SLC24A3: variants seen among roughly 807,000 people sequenced by gnomAD.
SLC24A3 encodes the protein solute carrier family 24 member 3.
Under a neutral mutation model 75.8 loss-of-function variants are expected in SLC24A3, and 28 were observed. The observed-to-expected ratio is 0.37, with a 90% CI of 0.27 to 0.51. The LOEUF is 0.51. SLC24A3 is among the 20% of genes least tolerant of loss of function. The probability of loss-of-function intolerance (pLI) is 0.94; values close to 1 mark genes in which losing one functional copy is unlikely to be tolerated. For synonymous variants in SLC24A3, 372 were observed against 334.1 expected (o/e 1.11, Z -1.24); for missense variants, 663 against 847.8 (o/e 0.78, Z 2.71).
rs1161336797 is a variant in SLC24A3 at position 19,346,132 on chromosome 20, ATATATGGTGTGTG to A, written c.271+65051_271+65063del. Among the ~76,000 whole-genome samples, 391 of 96,930 alleles carry A rather than the reference ATATATGGTGTGTG, an allele frequency of 4.0e-3. 56 individuals carry two copies. The highest frequency in any genetic ancestry group is 8.4e-3 in the South Asian group (25 of 2,972). 63.6% of individuals were successfully genotyped at this position (96,930 alleles called of 152,430 possible). On this transcript the variant is annotated intron_variant, in intron 2 of 16. Transcript: ENST00000328041. The stretch of plus-strand genomic sequence containing the variant: ...ATGGTGTGTGTGTGTGTGTATATAT[ATATATGGTGTGTG>A]TATATATATATGGTGTATATATATG...
intron 1 of SLC24A3, among the ~76,000 whole-genome samples, chr20:19,227,826 T>G (rs1981911224): frequency 6.6e-6 from 1 of 152,196 alleles, no homozygotes; most frequent in Non-Finnish European, 1.5e-5. Context: ...AAAAAACTAT[T>G]TATTTATTGT....
intron 15 of SLC24A3, among the ~76,000 whole-genome samples, chr20:19,704,711 G>A (rs1042266776): frequency 3.9e-5 from 6 of 152,100 alleles, no homozygotes; most frequent in African/African-American, 1.2e-4. Flanking sequence ...GGGAAGAGAG[G>A]GGTGTGTGGC....
At chr20:19,591,577 G>A (rs1399783078) in intron 6 of SLC24A3, among the ~76,000 whole-genome samples, 2 of 151,948 alleles carry the variant, frequency 1.3e-5, no homozygotes, top group Non-Finnish European at 2.9e-5. Context: ...AAGAGAAAGA[G>A]GATGTCTCCT....
At chr20:19,309,851 G>A (rs57051773) in intron 2 of SLC24A3, among the ~76,000 whole-genome samples, 23,422 of 152,068 alleles carry the variant, frequency 0.15, 4,415 homozygotes, top group African/African-American at 0.43. Flanking sequence ...ACTCCTCCTT[G>A]CACCCTGGGA....
At chr20:19,441,600 C>T (rs73288800) in intron 2 of SLC24A3, among the ~76,000 whole-genome samples, 3,635 of 152,264 alleles carry the variant, frequency 0.024, 164 homozygotes, top group African/African-American at 0.083. Context: ...ACTTACCCAT[C>T]TACCCCCGTT....
intron 2 of SLC24A3, among the ~76,000 whole-genome samples, chr20:19,444,954 G>T (rs1330659382): frequency 6.6e-6 from 1 of 151,358 alleles, no homozygotes. Flanking sequence ...CTTTTTTTCT[G>T]ATACGTGCAT....
chr20:19,266,212 A>G (rs2122203735), intron 1 of SLC24A3, among the ~76,000 whole-genome samples: 1 of 152,354 alleles, frequency 6.6e-6, no homozygotes, highest in East Asian at 1.9e-4. Context: ...AGAATCATAC[A>G]TAGATAACTG....
chr20:19,525,502 A>G (rs2030182562), intron 3 of SLC24A3, among the ~76,000 whole-genome samples: 1 of 152,098 alleles, frequency 6.6e-6, no homozygotes, highest in Admixed American at 6.6e-5. Context: ...CCACTGGGGA[A>G]CTGGCAGGTC....
At chr20:19,716,911 T>G (rs771356572) in intron 15 of SLC24A3, among the ~76,000 whole-genome samples, 11 of 152,108 alleles carry the variant, frequency 7.2e-5, no homozygotes, top group Non-Finnish European at 1.6e-4. Flanking sequence ...CTTCTCTTTT[T>G]CTCTTCATTG....
intron 3 of SLC24A3, among the ~76,000 whole-genome samples, chr20:19,547,046 C>G (rs954050105): frequency 2.0e-5 from 3 of 152,246 alleles, no homozygotes; most frequent in Non-Finnish European, 2.9e-5. Context: ...GATTCTGTGT[C>G]CTGCCTGCAT....
chr20:19,232,257 A>T (rs1223744742), intron 1 of SLC24A3, among the ~76,000 whole-genome samples: 1 of 152,248 alleles, frequency 6.6e-6, no homozygotes, highest in African/African-American at 2.4e-5. Context: ...AGGATCAAAC[A>T]TGCAACATGT....
chr20:19,660,380 C>G (rs1271769739), intron 7 of SLC24A3, among the ~76,000 whole-genome samples: 1 of 151,430 alleles, frequency 6.6e-6, no homozygotes, highest in Non-Finnish European at 1.5e-5. Context: ...TAAGTGAGAA[C>G]ATACGGTATT....
chr20:19,599,993 G>A (rs1447541964), intron 6 of SLC24A3, among the ~76,000 whole-genome samples: 4 of 152,192 alleles, frequency 2.6e-5, no homozygotes, highest in Non-Finnish European at 5.9e-5. Context: ...AAACATGTTG[G>A]CGTCGAAGTC....
At chr20:19,384,203 C>T (rs935229178) in intron 2 of SLC24A3, among the ~76,000 whole-genome samples, 3 of 152,134 alleles carry the variant, frequency 2.0e-5, no homozygotes, top group Middle Eastern at 3.2e-3. Context: ...TTAACAGCTA[C>T]TCTCTTATCA....
chr20:19,442,674 C>T (rs571899549), intron 2 of SLC24A3, among the ~76,000 whole-genome samples: 2 of 152,278 alleles, frequency 1.3e-5, no homozygotes, highest in South Asian at 2.1e-4. Flanking sequence ...ACTCTCTGAG[C>T]AGTGTCTTTC....
In SLC24A3 at chr20:19,586,770, C is replaced by T. The variant is rs1426764484; in HGVS notation, c.612+1226C>T. On this transcript the variant is annotated intron_variant, in intron 6 of 16. Transcript: ENST00000328041. ...ACCTGGATCTCATCGGGATTCAGCT[C>T]CAGGGCCCACAGGTGGATGGGTCCC... Among the ~76,000 whole-genome samples the T allele has an allele frequency of 3.3e-5, 5 of 152,296 alleles. No individual in the cohort carries two copies. The East Asian group carries it at 9.7e-4, about 29-fold the overall frequency.
At chr20:19,475,556 G>A (rs1400274921) in intron 2 of SLC24A3, among the ~76,000 whole-genome samples, 1 of 152,086 alleles carries the variant, frequency 6.6e-6, no homozygotes, top group Non-Finnish European at 1.5e-5. Context: ...TAAATATGCA[G>A]AAACTAATAG....
chr20:19,581,771 G>T (rs2031221699), intron 4 of SLC24A3, among the ~76,000 whole-genome samples: 1 of 152,152 alleles, frequency 6.6e-6, no homozygotes, highest in South Asian at 2.1e-4. Flanking sequence ...CACTATTTGA[G>T]CCCAAGTCAG....
At chr20:19,698,181 T>C (rs925070238) in intron 14 of SLC24A3, among the ~76,000 whole-genome samples, 2 of 152,112 alleles carry the variant, frequency 1.3e-5, no homozygotes, top group African/African-American at 4.8e-5. Flanking sequence ...CCGGTACCAA[T>C]GGGGGATGGT....
Sources: allele counts gnomAD v4.1 joint callset (sites outside exome capture counted in the v4.1 genomes callset), GRCh38; gene constraint gnomAD v4.1.1; transcripts MANE v1.5; gene names NCBI Gene and HGNC (gene_info 2026-07-23, HGNC 2026-07-21).